Variants in RNF13 observed in about 807,000 individuals in gnomAD.
The protein encoded by RNF13 is E3 ubiquitin-protein ligase RNF13.
RNF13 carries 19 observed loss-of-function variants against 37.7 expected under a neutral mutation model. That is an observed-to-expected ratio of 0.50 (90% CI 0.35 to 0.74). The LOEUF (loss-of-function observed/expected upper bound fraction) is 0.74, where lower values mean the gene tolerates loss of function less well. Ranked by LOEUF, RNF13 falls within the 30% of genes least tolerant of loss-of-function variation. The pLI is 0.01. For synonymous variants in RNF13, 144 were observed against 157.8 expected (o/e 0.91, Z 0.65); for missense variants, 375 against 453.0 (o/e 0.83, Z 1.56).
chr3:149,937,030 A>G (rs561509076), intron 8 of RNF13, among the ~76,000 whole-genome samples: 4 of 152,254 alleles, frequency 2.6e-5, no homozygotes, highest in Admixed American at 2.0e-4. Flanking sequence ...GAAGGGAATT[A>G]GCTAGGAGTT....
intron 8 of RNF13, among the ~76,000 whole-genome samples, chr3:149,954,226 A>G (rs139060307): frequency 7.2e-5 from 11 of 152,196 alleles, no homozygotes; most frequent in African/African-American, 2.6e-4. Context: ...GGTTGTTGCA[A>G]TTTTCTCCTT....
At chr3:149,916,758 A>G (rs1009893595) in intron 7 of RNF13, among the ~76,000 whole-genome samples, 5 of 152,164 alleles carry the variant, frequency 3.3e-5, no homozygotes, top group South Asian at 2.1e-4. Flanking sequence ...TACAGATAAA[A>G]AATATAGACT....
chr3:149,813,414 A>G (rs1473031793), intron 1 of RNF13, 61 bp downstream of exon 1: 1 of 152,434 alleles, frequency 6.6e-6, no homozygotes, highest in African/African-American at 2.4e-5. Context: ...CCCAGAGAAC[A>G]TACCCCGCTT....
rs1576837881 is a variant in RNF13 at position 149,895,506 on chromosome 3, G to A, written c.355G>A (p.Ala119Thr). The change falls in exon 5 of 10, where the codon GCC (alanine) becomes ACC (threonine). Residue 119 changes from alanine to threonine, a missense_variant. Ala to Thr is a moderately conservative substitution (Grantham distance 58, BLOSUM62 0). Transcript: ENST00000392894. ...TGCACAGAGAGCAGGATACAAGGCA[G>A]CCATAGTTCACAATGTTGATTCTGA... ...LNAQRAGYKA[A>T]IVHNVDSDDL... is the part of the protein sequence containing the mutation. 3 of 1,605,560 alleles carry A rather than the reference G, an allele frequency of 1.9e-6. No homozygotes were observed. Among genetic ancestry groups the A allele is most frequent in the East Asian group, 4.5e-5 (2 of 44,564 alleles).
intron 6 of RNF13, among the ~76,000 whole-genome samples, chr3:149,905,865 G>T (rs976238259): frequency 6.6e-6 from 1 of 151,898 alleles, no homozygotes. Flanking sequence ...CCCATTTAAG[G>T]TGTAAAATTC....
At chr3:149,946,031 C>A (rs1345829877) in intron 8 of RNF13, among the ~76,000 whole-genome samples, 1 of 152,202 alleles carries the variant, frequency 6.6e-6, no homozygotes. Context: ...CAAAGGAATG[C>A]AGCTCCTCAC....
At chr3:149,930,211 G>A (rs575077701) in intron 8 of RNF13, among the ~76,000 whole-genome samples, 1 of 152,302 alleles carries the variant, frequency 6.6e-6, no homozygotes, top group East Asian at 1.9e-4. Flanking sequence ...TTACAGGCGT[G>A]AGCCACTGCA....
rs536696345 is a variant in RNF13 at position 149,939,394 on chromosome 3, T to C, written c.700+18167T>C. On this transcript the variant is annotated intron_variant, in intron 8 of 9. Coordinates refer to ENST00000392894, the MANE Select transcript of RNF13 (RefSeq NM_183381.3). ...GGGGCAGATCGCTTTCCAGATAAAC[T>C]TGAGTTTCACATACTCCTCTTCTTC... The C allele has an allele frequency of 1.5e-3, 772 of 507,998 alleles. 1 individual carries two copies. The highest frequency in any genetic ancestry group is 2.5e-3 in the Non-Finnish European group (673 of 264,772). The allele number at this position is 507,998 out of a possible 1,614,324, so 31.5% of individuals were successfully genotyped here. A position where few individuals can be genotyped will look rare whatever the true frequency, so the allele number is the denominator to read the frequency against.
At chr3:149,915,130 G>C (rs2108524466) in intron 7 of RNF13, among the ~76,000 whole-genome samples, 1 of 152,102 alleles carries the variant, frequency 6.6e-6, no homozygotes, top group African/African-American at 2.4e-5. Flanking sequence ...ATAATAATTG[G>C]TTTTTCTCTC....
At chr3:149,902,909 AT>A (rs1337026559) in intron 6 of RNF13, among the ~76,000 whole-genome samples, 1 of 152,134 alleles carries the variant, frequency 6.6e-6, no homozygotes, top group African/African-American at 2.4e-5. Flanking sequence ...AGACTTCTAC[AT>A]TTTGTTATCC....
intron 1 of RNF13, among the ~76,000 whole-genome samples, chr3:149,823,267 T>C (rs1720170038): frequency 6.6e-6 from 1 of 152,154 alleles, no homozygotes; most frequent in African/African-American, 2.4e-5. Flanking sequence ...CAGTGGAACC[T>C]ACTATAGAGT....
In RNF13 at chr3:149,863,382, C is replaced by G. The variant is rs527523302; in HGVS notation, c.196-8647C>G. Reference sequence around the variant, plus strand: ...CAAAGAATTCCTCTTAGTCTTGATTCTTTTTTTTATTTTTTAAGATGGAGA... The same window carrying G: ...CAAAGAATTCCTCTTAGTCTTGATTGTTTTTTTTATTTTTTAAGATGGAGA... On this transcript the variant is annotated intron_variant, in intron 3 of 9. Transcript: ENST00000392894. Among the ~76,000 whole-genome samples the G allele has an allele frequency of 4.6e-5, 7 of 151,894 alleles. No individual in the cohort carries two copies. The East Asian group carries it at 1.4e-3, about 29-fold the overall frequency.
intron 7 of RNF13, among the ~76,000 whole-genome samples, chr3:149,913,268 A>G (rs1355610082): frequency 2.0e-5 from 3 of 152,104 alleles, no homozygotes; most frequent in Non-Finnish European, 4.4e-5. Context: ...TCTTGCTACC[A>G]AAAAAAGGAT....
rs1308587743 is a variant in RNF13 at position 149,960,933 on chromosome 3, T to A, written c.975T>A (p.Ala325=). The A allele has an allele frequency of 1.2e-6, 2 of 1,614,216 alleles. No individual in the cohort carries two copies. The highest frequency in any genetic ancestry group is 2.2e-5 in the East Asian group (1 of 44,878). Residue 325 remains alanine (A), a synonymous_variant, in exon 10 of 10, where the codon GCT becomes GCA. Coordinates refer to ENST00000392894, the MANE Select transcript of RNF13 (RefSeq NM_183381.3). ...LASVSAQSFG[A]LSESRSHQNM... is the part of the protein sequence containing the mutation. Reference sequence around the variant, plus strand: ...CTGTCAGTGCCCAGTCATTTGGGGCTTTATCGGAATCCCGCTCACATCAGA... The same window carrying A: ...CTGTCAGTGCCCAGTCATTTGGGGCATTATCGGAATCCCGCTCACATCAGA...
Position 149,852,585 on chromosome 3 carries a change from GA to G in RNF13, c.186del (p.Gly63ValfsTer2). On this transcript the variant is annotated frameshift_variant, in exon 3 of 10. Coordinates refer to ENST00000392894, the MANE Select transcript of RNF13 (RefSeq NM_183381.3). LOFTEE classifies it high-confidence loss of function. ...PARFGYRLPA[E>X]GLKGFLINSK... ...AAGATTTGGTTATAGACTTCCAGCTGAAGGTTTAAAGGTAAGACAGTTGGTA... is the reference window on the plus strand; with the variant it reads ...AAGATTTGGTTATAGACTTCCAGCTGAGGTTTAAAGGTAAGACAGTTGGTA... 6.5e-7 allele frequency: 1 copy of G among 1,545,530 alleles called. No homozygotes were observed. The highest frequency in any genetic ancestry group is 8.8e-7 in the Non-Finnish European group (1 of 1,133,072).
intron 1 of RNF13, among the ~76,000 whole-genome samples, chr3:149,829,695 C>T (rs1208132994): frequency 2.0e-5 from 3 of 152,192 alleles, no homozygotes; most frequent in Admixed American, 6.6e-5. Context: ...TCTGATGTAA[C>T]ACTTTTGCTT....
intron 7 of RNF13, among the ~76,000 whole-genome samples, chr3:149,919,100 A>G (rs1240247579): frequency 6.6e-6 from 1 of 152,156 alleles, no homozygotes; most frequent in African/African-American, 2.4e-5. Flanking sequence ...GAACATTTGC[A>G]TTATATTGCT....
intron 8 of RNF13, among the ~76,000 whole-genome samples, chr3:149,923,781 AAAGAAAAGTTTAAAAAATGGTG>A (rs1718386015): frequency 6.6e-6 from 1 of 151,908 alleles, no homozygotes. Context: ...AAAAAAAAAA[AAAGAAAAGTTTAAAAAATGGTG>A]ATACTGTCCT....
rs150196894 is a variant in RNF13, at chr3:149,911,994, G to A, written c.517G>A (p.Val173Ile). 3.0e-3 allele frequency: 4,763 copies of A among 1,578,212 alleles called. 112 individuals are homozygous for A. In the African/African-American group the frequency reaches 0.054, roughly 18 times the overall value. The change falls in exon 7 of 10, where the codon GTT becomes ATT. Residue 173 changes from valine (V) to isoleucine (I), a missense_variant. Val to Ile is a conservative substitution (Grantham distance 29). Coordinates refer to ENST00000392894, the MANE Select transcript of RNF13 (RefSeq NM_183381.3). The part of the protein sequence containing the change: ...TYEKGGHLIL[V>I]PEFSLPLEYY... The stretch of plus-strand genomic sequence containing the variant: ...TTCTTCTAGGGGCCACCTTATCTTA[G>A]TTCCAGAATTTAGTCTTCCTTTGGA...
Sources: allele counts gnomAD v4.1 joint callset (sites outside exome capture counted in the v4.1 genomes callset), GRCh38; gene constraint gnomAD v4.1.1; transcripts MANE v1.5; gene names NCBI Gene and HGNC (gene_info 2026-07-23, HGNC 2026-07-21).